SAFB2: variants seen among roughly 807,000 people sequenced by gnomAD.
The protein encoded by SAFB2 is scaffold attachment factor B2.
A neutral mutation model predicts 100.6 loss-of-function variants in SAFB2; 32 were observed. The ratio of observed to expected loss-of-function variants is 0.32; its 90% CI spans 0.24 to 0.43. The LOEUF (loss-of-function observed/expected upper bound fraction) is 0.43, where lower values mean the gene tolerates loss of function less well. Ranked by LOEUF, SAFB2 falls within the 20% of genes least tolerant of loss-of-function variation. The pLI is 1.00. For missense variants in SAFB2, 1,185 were observed against 1,163.4 expected, an observed-to-expected ratio of 1.02 and a Z score of -0.27; for synonymous variants, 500 against 439.4, an observed-to-expected ratio of 1.14 and a Z score of -1.72.
chr19:5,602,353 G>A (rs892066110), intron 11 of SAFB2, among the ~76,000 whole-genome samples: 6 of 151,646 alleles, frequency 4.0e-5, no homozygotes, highest in Admixed American at 1.3e-4. Flanking sequence ...GGTGGTAGGC[G>A]CCTATAGTCC....
At chr19:5,590,995 T>C (rs4807794) in intron 17 of SAFB2, among the ~76,000 whole-genome samples, 105,743 of 152,062 alleles carry the variant, frequency 0.7, 37,030 homozygotes, top group Middle Eastern at 0.76. Context: ...TCAGGGACCA[T>C]TCTTGTGGTC....
Position 5,604,589 on chromosome 19 carries a change from AT to A in SAFB2, c.1552del (p.Ile518LeufsTer5). The A allele has an allele frequency of 6.2e-7, 1 of 1,613,414 alleles. No individual in the cohort carries two copies. Among genetic ancestry groups the A allele is most frequent in the South Asian group, 1.1e-5 (1 of 90,994 alleles). On this transcript the variant is annotated frameshift_variant, in exon 11 of 21. Transcript: ENST00000252542. LOFTEE classifies it high-confidence loss of function. The stretch of plus-strand genomic sequence containing the variant: ...GTTTGAAAATTCACTTTACTTTTCA[AT>A]TTTGATCTCCACAGAATGATGTCTG... ...VDRHHSVEIK[I>X]EKTVIKKEEK...
At position 5,604,665 on chromosome 19, in the gene SAFB2, A is replaced by G. The variant is rs1442413021; in HGVS notation, c.1477T>C (p.Ser493Pro). 1.9e-6 allele frequency: 3 copies of G among 1,614,220 alleles called. No homozygotes were observed. The highest frequency in any genetic ancestry group is 2.5e-6 in the Non-Finnish European group (3 of 1,180,042). Residue 493 changes from serine to proline, a missense_variant, in exon 11 of 21, where the codon TCC becomes CCC. This residue lies in a region of SAFB2 where 740 missense variants were observed against 687.1 expected (regional missense o/e 1.08). Coordinates refer to ENST00000252542, the MANE Select transcript of SAFB2 (RefSeq NM_014649.3). ...TTCACTTCGCACTCTTTTCTGTCGG[A>G]AAGCTTTTTCCCAGCAGGCTCATTT... ...AKNEPAGKKL[S>P]DRKECEVKKE...
At position 5,587,736 on chromosome 19, in the gene SAFB2, C is replaced by A; in HGVS notation, c.2670G>T (p.Gly890=). Reference sequence around the variant, plus strand: ...CACCGCGGCTTGCCATGTGCCCCGGCCCCGAGGGCCCAGACAGGCCCCTCT... The same window carrying A: ...CACCGCGGCTTGCCATGTGCCCCGGACCCGAGGGCCCAGACAGGCCCCTCT... ...GGERGLSGPS[G]PGHMASRGGV... is the part of the protein sequence containing the mutation. Residue 890 remains glycine, a synonymous_variant, in exon 20 of 21, where the codon GGG becomes GGT. Coordinates refer to ENST00000252542, the MANE Select transcript of SAFB2 (RefSeq NM_014649.3). The surrounding 1 kb of genome is among the most constrained non-coding windows in gnomAD (Gnocchi z 4.9). The A allele has an allele frequency of 6.4e-7, 1 of 1,552,430 alleles. No homozygotes were observed. The highest frequency in any genetic ancestry group is 8.7e-7 in the Non-Finnish European group (1 of 1,147,522).
Position 5,587,228 on chromosome 19 carries a change from C to T in SAFB2, c.*15G>A, listed in dbSNP as rs1346052993. ...CAGTGCGTCTGCCCACCCGAAAACT[C>T]GCAGCGAGTGGGACTTAGTAGCGGC... is the stretch of plus-strand genomic sequence containing the variant. On this transcript the variant is annotated 3_prime_UTR_variant, in exon 21 of 21. Transcript: ENST00000252542. The surrounding 1 kb of genome is among the most constrained non-coding windows in gnomAD (Gnocchi z 4.9). 2 of 1,609,294 alleles carry T rather than the reference C, an allele frequency of 1.2e-6. No individual in the cohort carries two copies. Among genetic ancestry groups the T allele is most frequent in the East Asian group, 2.2e-5 (1 of 44,712 alleles).
At chr19:5,589,428 G>A (rs1437175687) in intron 18 of SAFB2, among the ~76,000 whole-genome samples, 1 of 152,062 alleles carries the variant, frequency 6.6e-6, no homozygotes, top group Non-Finnish European at 1.5e-5. Context: ...TCAGCGCGGA[G>A]GGAGGGATGG....
In SAFB2 at chr19:5,596,767, A is replaced by G. The variant is rs542769247; in HGVS notation, c.1783-1270T>C. On this transcript the variant is annotated intron_variant, in intron 13 of 20. Transcript: ENST00000252542. ...CATCAGACCCTCCCAGGAAGCTTTT[A>G]AACAACACAGAACCTGAGGCCTCCT... 1.5e-4 allele frequency among the ~76,000 whole-genome samples: 23 copies of G among 152,310 alleles called. No individual in the cohort carries two copies. In the East Asian group the frequency reaches 4.2e-3, roughly 28 times the overall value.
In SAFB2 at chr19:5,596,895, G is replaced by A. The variant is rs182068205; in HGVS notation, c.1783-1398C>T. On this transcript the variant is annotated intron_variant, in intron 13 of 20. Transcript: ENST00000252542. ...TTAGCCCCCATAGGAGAGAAAGAGC[G>A]AGCAATGAAAAACAAACCAACCCAA... Among the ~76,000 whole-genome samples, 394 of 152,214 alleles carry A rather than the reference G, an allele frequency of 2.6e-3. 2 individuals carry two copies. Among genetic ancestry groups the A allele is most frequent in the Non-Finnish European group, 4.3e-3 (293 of 68,014 alleles).
At position 5,613,452 on chromosome 19, in the gene SAFB2, G is replaced by A. The variant is rs779269901; in HGVS notation, c.606+13C>T. The A allele has an allele frequency of 6.2e-7, 1 of 1,606,912 alleles. No homozygotes were observed. The highest frequency in any genetic ancestry group is 2.2e-5 in the East Asian group (1 of 44,848). The stretch of plus-strand genomic sequence containing the variant: ...TAACATTTCCAGCGATGCAGAACCA[G>A]ATGGTAACTTACCGGAGTTACTTTG... On this transcript the variant is annotated intron_variant, in intron 5 of 20. Coordinates refer to ENST00000252542, the MANE Select transcript of SAFB2 (RefSeq NM_014649.3).
At position 5,592,803 on chromosome 19, in the gene SAFB2, G is replaced by T. The variant is rs746956362; in HGVS notation, c.2292C>A (p.Arg764=). ...GGTCTCGATGATCGAAGTCGTGAAA[G>T]CGGTGGTCTGGCCGGGGAAAGTCTG... ...YRADFPRPDH[R]FHDFDHRDRG... The change falls in exon 16 of 21, where the codon CGC becomes CGA. Residue 764 remains arginine (R), a synonymous_variant. Transcript: ENST00000252542. The T allele has an allele frequency of 3.7e-6, 6 of 1,614,206 alleles. No homozygotes were observed. Among genetic ancestry groups the T allele is most frequent in the Non-Finnish European group, 5.1e-6 (6 of 1,180,026 alleles).
chr19:5,593,694 G>T, intron 15 of SAFB2, 197 bp downstream of exon 15: 1 of 529,728 alleles, frequency 1.9e-6, no homozygotes. Context: ...ATGCTACACA[G>T]CCTCCGGTGA....
At chr19:5,616,097 A>G in intron 4 of SAFB2, 35 bp downstream of exon 4, 1 of 1,605,728 alleles carries the variant, frequency 6.2e-7, no homozygotes, top group Non-Finnish European at 8.5e-7. Context: ...CCTCGGGGCT[A>G]TGGGCACATC....
In SAFB2 at chr19:5,593,970, C is replaced by A; in HGVS notation, c.2128G>T (p.Glu710Ter). ...TGCTCCTGCTGGCGCCGCAGCTCCT[C>A]GCGCTCGCGGTGGATGCGCTCCTGC... The part of the protein sequence containing the change: ...KEQERIHRER[E>*]ELRRQQEQLR... The change falls in exon 15 of 21, where the codon GAG (glutamate) becomes TAG (stop). Residue 710 changes from glutamate to a stop codon, truncating the protein, a stop_gained. Coordinates refer to ENST00000252542, the MANE Select transcript of SAFB2 (RefSeq NM_014649.3). LOFTEE classifies it high-confidence loss of function. 6.4e-7 allele frequency: 1 copy of A among 1,551,456 alleles called. No individual in the cohort carries two copies. The highest frequency in any genetic ancestry group is 8.7e-7 in the Non-Finnish European group (1 of 1,155,934).
intron 9 of SAFB2, among the ~76,000 whole-genome samples, chr19:5,606,281 A>G (rs2052772664): frequency 6.6e-6 from 1 of 152,248 alleles, no homozygotes; most frequent in South Asian, 2.1e-4. Context: ...TTGTAGAGAT[A>G]CAAGTATAAC....
At chr19:5,617,050 C>A (rs1048922755) in intron 2 of SAFB2, among the ~76,000 whole-genome samples, 1 of 151,866 alleles carries the variant, frequency 6.6e-6, no homozygotes, top group African/African-American at 2.4e-5. Context: ...CTAAAAGTTT[C>A]CAAATATTTC....
At position 5,610,565 on chromosome 19, in the gene SAFB2, GTA is replaced by G. The variant is rs1355305027; in HGVS notation, c.1195+72_1195+73del. 3 of 1,048,276 alleles carry G rather than the reference GTA, an allele frequency of 2.9e-6. No individual in the cohort carries two copies. In the East Asian group the frequency reaches 7.3e-5, roughly 25 times the overall value. The allele number at this position is 1,048,276 out of a possible 1,614,324, so 64.9% of individuals were successfully genotyped here. Reference sequence around the variant, plus strand: ...AAACAAATTACTGAATCCAAAGTGTGTATATCTCCAGGCCCCTCCTCCCAAAA... The same window carrying G: ...AAACAAATTACTGAATCCAAAGTGTGTATCTCCAGGCCCCTCCTCCCAAAA... On this transcript the variant is annotated intron_variant, in intron 8 of 20. Transcript: ENST00000252542.
rs1406672559 is a variant in SAFB2, at chr19:5,604,828, G to A, written c.1405C>T (p.His469Tyr). 6.2e-7 allele frequency: 1 copy of A among 1,614,144 alleles called. No homozygotes were observed. The change falls in exon 10 of 21, where the codon CAC (histidine) becomes TAC (tyrosine). Residue 469 changes from histidine (H) to tyrosine (Y), a missense_variant. His to Tyr is a moderately conservative substitution (Grantham distance 83). This residue lies in a region of SAFB2 where 94 missense variants were observed against 135.1 expected (regional missense o/e 0.70). Coordinates refer to ENST00000252542, the MANE Select transcript of SAFB2 (RefSeq NM_014649.3). ...ATTCGTCCATGCAGCTCAGTTCTGTGGAGATGGCTGATGCACTTGGTCGCC... is the reference window on the plus strand; with the variant it reads ...ATTCGTCCATGCAGCTCAGTTCTGTAGAGATGGCTGATGCACTTGGTCGCC... ...DEATKCISHL[H>Y]RTELHGRMIS...
In SAFB2 at chr19:5,612,010, A is replaced by T. The variant is rs534497016; in HGVS notation, c.635-380T>A. 1.2e-4 allele frequency: 46 copies of T among 381,478 alleles called. 1 individual carries two copies. The highest frequency in any genetic ancestry group is 1.1e-3 in the South Asian group (46 of 43,340). The allele number at this position is 381,478 out of a possible 1,614,324, so 23.6% of individuals were successfully genotyped here. A position where few individuals can be genotyped will look rare whatever the true frequency, so the allele number is the denominator to read the frequency against. On this transcript the variant is annotated intron_variant, in intron 6 of 20. Coordinates refer to ENST00000252542, the MANE Select transcript of SAFB2 (RefSeq NM_014649.3). ...CAGCTCAACTTCCAAATTTCTTTGAATTTCTTTTAACAGAACAATCCAATA... is the reference window on the plus strand; with the variant it reads ...CAGCTCAACTTCCAAATTTCTTTGATTTTCTTTTAACAGAACAATCCAATA...
At chr19:5,608,592 G>C (rs1056273721) in intron 9 of SAFB2, among the ~76,000 whole-genome samples, 2 of 152,188 alleles carry the variant, frequency 1.3e-5, no homozygotes, top group African/African-American at 4.8e-5. Flanking sequence ...GGGTGACACA[G>C]ACCTAGACAA....
Sources: allele counts gnomAD v4.1 joint callset (sites outside exome capture counted in the v4.1 genomes callset), GRCh38; gene constraint gnomAD v4.1.1; regional missense constraint gnomAD v4.1.1; non-coding constraint Gnocchi (gnomAD v3.1); transcripts MANE v1.5; gene names NCBI Gene and HGNC (gene_info 2026-07-23, HGNC 2026-07-21).